Variants in ZNF337 observed in about 807,000 individuals in gnomAD.
ZNF337 encodes zinc finger protein 337.
Under a neutral mutation model 12.1 loss-of-function variants are expected in ZNF337, and 8 were observed. The ratio of observed to expected loss-of-function variants is 0.66; its 90% CI spans 0.39 to 1.19. The LOEUF is 1.19. Among genes scored for constraint, ZNF337 ranks in the 50% most tolerant of loss-of-function variants. ZNF337 has a pLI of 0.01. For missense variants in ZNF337, 882 were observed against 896.6 expected, an observed-to-expected ratio of 0.98 and a Z score of 0.21; for synonymous variants, 336 against 320.0, an observed-to-expected ratio of 1.05 and a Z score of -0.53.
intron 1 of ZNF337, among the ~76,000 whole-genome samples, chr20:25,693,871 G>A (rs3813916): frequency 0.059 from 9,025 of 152,182 alleles, 310 homozygotes; most frequent in Middle Eastern, 0.12. Context: ...AAGAGGAGCT[G>A]GGGACTAAAA....
intron 1 of ZNF337, among the ~76,000 whole-genome samples, chr20:25,687,566 G>T (rs1486580153): frequency 6.6e-6 from 1 of 152,152 alleles, no homozygotes; most frequent in Non-Finnish European, 1.5e-5. Context: ...AGACAGAAGT[G>T]AACAAATACT....
intron 4 of ZNF337, among the ~76,000 whole-genome samples, chr20:25,684,459 A>G (rs1454287651): frequency 6.6e-6 from 1 of 152,220 alleles, no homozygotes; most frequent in East Asian, 1.9e-4. Context: ...GGCGATCATT[A>G]AAAAGTCAGG....
rs73341383 is a variant in ZNF337 at position 25,677,021 on chromosome 20, A to G, written c.267T>C (p.His89=). The change falls in exon 5 of 5, where the codon CAT becomes CAC. Residue 89 remains histidine (H), a synonymous_variant. Coordinates refer to ENST00000252979, the MANE Select transcript of ZNF337 (RefSeq NM_015655.4). ...GTCCAAGATTCTTGGGCCGCAGGAC[A>G]TGTTCTGCATATATTCCTGGAGAAT... ...PGPCAGIYAE[H]VLRPKNLGLA... 1,925 of 1,608,878 alleles carry G rather than the reference A, an allele frequency of 1.2e-3. 29 individuals are homozygous for G. In the African/African-American group the frequency reaches 0.023, roughly 19 times the overall value.
intron 4 of ZNF337, among the ~76,000 whole-genome samples, chr20:25,679,353 G>T (rs1169430333): frequency 6.6e-6 from 1 of 152,078 alleles, no homozygotes; most frequent in Non-Finnish European, 1.5e-5. Flanking sequence ...AAAAGCTTCT[G>T]TACAGCAAAG....
chr20:25,676,500 G>C lies in ZNF337; in HGVS notation c.788C>G (p.Pro263Arg). The C allele has an allele frequency of 6.2e-7, 1 of 1,613,936 alleles. No individual in the cohort carries two copies. Among genetic ancestry groups the C allele is most frequent in the Non-Finnish European group, 8.5e-7 (1 of 1,179,972 alleles). ...TCGTCCACACACCTTGCACAGAAAA[G>C]GCTTCTCTCCTGAGTGTGTCCTCTG... The part of the protein sequence containing the change: ...RHQRTHSGEK[P>R]FLCKVCGRGY... Residue 263 changes from proline (P) to arginine (R), a missense_variant, in exon 5 of 5, where the codon CCT becomes CGT. Coordinates refer to ENST00000252979, the MANE Select transcript of ZNF337 (RefSeq NM_015655.4).
chr20:25,687,282 T>C (rs1240609428), intron 1 of ZNF337, among the ~76,000 whole-genome samples: 1 of 152,182 alleles, frequency 6.6e-6, no homozygotes, highest in Non-Finnish European at 1.5e-5. Flanking sequence ...TTTTTAGAAC[T>C]GAATAATGTG....
At position 25,675,141 on chromosome 20, in the gene ZNF337, T is replaced by C. The variant is rs777051558; in HGVS notation, c.2147A>G (p.Gln716Arg). 1.7e-5 allele frequency: 27 copies of C among 1,614,120 alleles called. No homozygotes were observed. The highest frequency in any genetic ancestry group is 1.7e-6 in the Non-Finnish European group (2 of 1,180,050). The change falls in exon 5 of 5, where the codon CAA (glutamine) becomes CGA (arginine). Residue 716 changes from glutamine (Q) to arginine (R), a missense_variant. Gln to Arg is a conservative substitution (Grantham distance 43). Transcript: ENST00000252979. ...ATTGCTAAACTTTCGTCCACACTCT[T>C]GGCATTCATAAGGCCTCTCTCCTGT... ...IHTGERPYECQECGRKFSNKS... is the reference protein window; with the variant it reads ...IHTGERPYECRECGRKFSNKS...
chr20:25,688,300 TTCC>T (rs1462274113), intron 1 of ZNF337, among the ~76,000 whole-genome samples: 1 of 151,950 alleles, frequency 6.6e-6, no homozygotes, highest in Non-Finnish European at 1.5e-5. Context: ...TTTTCTGAAG[TTCC>T]TAAACTGTGT....
rs2065665846 is a variant in ZNF337 at position 25,675,288 on chromosome 20, C to T, written c.2000G>A (p.Trp667Ter). 1 of 1,614,020 alleles carries T rather than the reference C, an allele frequency of 6.2e-7. No individual in the cohort carries two copies. The highest frequency in any genetic ancestry group is 1.3e-5 in the African/African-American group (1 of 75,000). ...VCNVCGQGFSWKRSLTRHHWR... is the reference protein window; with the variant it reads ...VCNVCGQGFS The stretch of plus-strand genomic sequence containing the variant: ...GTGGTGTCTGGTGAGACTTCTCTTC[C>T]AGCTGAAGCCTTGCCCACACACATT... The change falls in exon 5 of 5, where the codon TGG (tryptophan) becomes TAG (stop). Residue 667 changes from tryptophan to a stop codon, truncating the protein, a stop_gained. Transcript: ENST00000252979. LOFTEE classifies it low-confidence loss of function (END_TRUNC).
intron 1 of ZNF337, among the ~76,000 whole-genome samples, chr20:25,693,026 T>C (rs2065894001): frequency 6.6e-6 from 1 of 152,138 alleles, no homozygotes; most frequent in South Asian, 2.1e-4. Flanking sequence ...ACCCCCAAAA[T>C]CCCAGCTTGC....
chr20:25,692,614 G>T (rs1220451539), intron 1 of ZNF337, among the ~76,000 whole-genome samples: 1 of 152,110 alleles, frequency 6.6e-6, no homozygotes, highest in East Asian at 1.9e-4. Context: ...AGATAATTTG[G>T]AGAGGAAAAA....
chr20:25,682,108 A>T (rs2065775639), intron 4 of ZNF337, among the ~76,000 whole-genome samples: 1 of 152,244 alleles, frequency 6.6e-6, no homozygotes, highest in African/African-American at 2.4e-5. Flanking sequence ...GTATTATAGG[A>T]TGTAAACTCA....
intron 1 of ZNF337, among the ~76,000 whole-genome samples, chr20:25,690,891 G>A (rs914144257): frequency 1.3e-4 from 20 of 152,038 alleles, no homozygotes; most frequent in African/African-American, 4.3e-4. Context: ...TGCAAAAACC[G>A]GAAAAGGAGG....
At position 25,675,951 on chromosome 20, in the gene ZNF337, G is replaced by A; in HGVS notation, c.1337C>T (p.Thr446Ile). Reference protein sequence around the residue: ...ECGQGFIQKSTLVKHQITHSE... With the variant: ...ECGQGFIQKSILVKHQITHSE... Reference sequence around the variant, plus strand: ...GTGTGTGATCTGATGTTTCACAAGGGTTGACTTCTGAATAAATCCTTGCCC... The same window carrying A: ...GTGTGTGATCTGATGTTTCACAAGGATTGACTTCTGAATAAATCCTTGCCC... Residue 446 changes from threonine to isoleucine, a missense_variant, in exon 5 of 5, where the codon ACC becomes ATC. Physicochemically the swap from Thr to Ile is moderately conservative, Grantham distance 89. Transcript: ENST00000252979. 1.2e-6 allele frequency: 2 copies of A among 1,612,544 alleles called. No homozygotes were observed. Among genetic ancestry groups the A allele is most frequent in the Non-Finnish European group, 1.7e-6 (2 of 1,179,550 alleles).
At position 25,696,698 on chromosome 20, in the gene ZNF337, G is replaced by A. The variant is rs566347602; in HGVS notation, c.-50+61C>T. On this transcript the variant is annotated intron_variant, in intron 1 of 4. Coordinates refer to ENST00000252979, the MANE Select transcript of ZNF337 (RefSeq NM_015655.4). ...CGCCCTCACGTCCCAGGCCTTCCCGGCCCTTCTTCCTGCGCCGGAAGGGCG... is the reference window on the plus strand; with the variant it reads ...CGCCCTCACGTCCCAGGCCTTCCCGACCCTTCTTCCTGCGCCGGAAGGGCG... 1.4e-5 allele frequency: 14 copies of A among 971,208 alleles called. No homozygotes were observed. In the Admixed American group the frequency reaches 5.5e-4, roughly 38 times the overall value. 60.2% of individuals were successfully genotyped at this position (971,208 alleles called of 1,614,324 possible).
Position 25,675,643 on chromosome 20 carries a change from A to G in ZNF337, c.1645T>C (p.Cys549Arg), listed in dbSNP as rs1305752430. ...SGEKPFMCKQ[C>R]EKSFSLKANL... ...GCCTTCAAACTAAAACTTTTCTCAC[A>G]CTGCTTGCACATGAAGGGCTTCTCT... Residue 549 changes from cysteine (C) to arginine (R), a missense_variant, in exon 5 of 5, where the codon TGT becomes CGT. By Grantham distance (180) the Cys-to-Arg change is radical. Transcript: ENST00000252979. 6.2e-7 allele frequency: 1 copy of G among 1,613,884 alleles called. No homozygotes were observed. The highest frequency in any genetic ancestry group is 1.1e-5 in the South Asian group (1 of 91,074).
chr20:25,696,661 C>CGG, intron 1 of ZNF337, 98 bp downstream of exon 1: 1 of 843,016 alleles, frequency 1.2e-6, no homozygotes, highest in Non-Finnish European at 1.4e-6. Context: ...GCGCGCGCTA[C>CGG]GGCCCCAGCA....
At chr20:25,684,437 G>A (rs73597833) in intron 4 of ZNF337, among the ~76,000 whole-genome samples, 2 of 152,072 alleles carry the variant, frequency 1.3e-5, no homozygotes, top group African/African-American at 4.8e-5. Context: ...ACCATCTCAC[G>A]CCAGTTAGAA....
rs574395305 is a variant in ZNF337 at position 25,689,524 on chromosome 20, T to C, written c.-49-3058A>G. Among the ~76,000 whole-genome samples, 29 of 152,300 alleles carry C rather than the reference T, an allele frequency of 1.9e-4. No individual in the cohort carries two copies. In the East Asian group the frequency reaches 5.4e-3, roughly 28 times the overall value. On this transcript the variant is annotated intron_variant, in intron 1 of 4. Coordinates refer to ENST00000252979, the MANE Select transcript of ZNF337 (RefSeq NM_015655.4). ...AACTCTTGTTGAAATGTTCTGTATC[T>C]TGATTGAGGTGATAAGTGACCTGTG...
Sources: allele counts gnomAD v4.1 joint callset (sites outside exome capture counted in the v4.1 genomes callset), GRCh38; gene constraint gnomAD v4.1.1; transcripts MANE v1.5; gene names NCBI Gene and HGNC (gene_info 2026-07-23, HGNC 2026-07-21).